Variants in NSMCE2 observed in about 807,000 individuals in gnomAD.
NSMCE2 encodes NSE2 SUMO ligase component of SMC5/6 complex.
In NSMCE2, 24 loss-of-function variants were observed where a neutral mutation model predicts 23.8. That is an observed-to-expected ratio of 1.01 (90% confidence interval 0.73 to 1.42). The LOEUF is 1.42. Ranked by LOEUF, NSMCE2 falls within the 40% of genes most tolerant of loss-of-function variation. NSMCE2 has a pLI of 0.00. For synonymous variants in NSMCE2, 92 were observed against 94.1 expected (o/e 0.98, Z 0.13); for missense variants, 284 against 296.5 (o/e 0.96, Z 0.31).
At chr8:125,212,830 C>G (rs1824403429) in intron 5 of NSMCE2, among the ~76,000 whole-genome samples, 1 of 152,172 alleles carries the variant, frequency 6.6e-6, no homozygotes, top group Admixed American at 6.5e-5. Flanking sequence ...AGCCCGGGTT[C>G]TAATCACCGA....
Position 125,355,937 on chromosome 8 carries a change from A to G in NSMCE2, c.419-1282A>G, listed in dbSNP as rs1166531575. Among the ~76,000 whole-genome samples the G allele has an allele frequency of 3.3e-5, 5 of 152,258 alleles. No homozygotes were observed. In the South Asian group the frequency reaches 8.3e-4, roughly 25 times the overall value. The stretch of plus-strand genomic sequence containing the variant: ...TCTGTTCAAAGCCAGTCCTGTCACT[A>G]TCACTCAGCAGTTCTCAAAGTGCAG... On this transcript the variant is annotated intron_variant, in intron 5 of 7. Coordinates refer to ENST00000287437, the MANE Select transcript of NSMCE2 (RefSeq NM_173685.4).
In NSMCE2 at chr8:125,157,968, G is replaced by A. The variant is rs145702350; in HGVS notation, c.264+6691G>A. On this transcript the variant is annotated intron_variant, in intron 4 of 7. Coordinates refer to ENST00000287437, the MANE Select transcript of NSMCE2 (RefSeq NM_173685.4). ...AAAGAATTTCCTTAAAGACTCCAAA[G>A]CCTTTAATGTGCTTTTATGCAATGT... Among the ~76,000 whole-genome samples, 4 of 152,294 alleles carry A rather than the reference G, an allele frequency of 2.6e-5. No homozygotes were observed. In the East Asian group the frequency reaches 5.8e-4, roughly 22 times the overall value.
Position 125,141,221 on chromosome 8 carries a change from C to G in NSMCE2, c.158-9950C>G, listed in dbSNP as rs546001254. Among the ~76,000 whole-genome samples, 4 of 152,270 alleles carry G rather than the reference C, an allele frequency of 2.6e-5. No individual in the cohort carries two copies. The East Asian group carries it at 7.7e-4, about 29-fold the overall frequency. ...TCTATATAATCAAAGATGTCGTGGTCTCCATCACTCTGAGGTAGAGCAATT... is the reference window on the plus strand; with the variant it reads ...TCTATATAATCAAAGATGTCGTGGTGTCCATCACTCTGAGGTAGAGCAATT... On this transcript the variant is annotated intron_variant, in intron 3 of 7. Transcript: ENST00000287437.
At chr8:125,343,078 A>G (rs560254188) in intron 5 of NSMCE2, among the ~76,000 whole-genome samples, 1 of 152,362 alleles carries the variant, frequency 6.6e-6, no homozygotes, top group African/African-American at 2.4e-5. Flanking sequence ...TGTAAAAAGG[A>G]AAAACAAGCA....
intron 5 of NSMCE2, among the ~76,000 whole-genome samples, chr8:125,261,672 G>A (rs926266824): frequency 1.3e-5 from 2 of 151,304 alleles, no homozygotes; most frequent in African/African-American, 2.4e-5. Flanking sequence ...ATAACCAAGG[G>A]ATTTAAAGAT....
At chr8:125,193,285 T>G (rs185094157) in intron 5 of NSMCE2, among the ~76,000 whole-genome samples, 108 of 152,250 alleles carry the variant, frequency 7.1e-4, no homozygotes, top group Non-Finnish European at 1.4e-3. Context: ...AGCTACAACA[T>G]AGGACAAAAT....
At chr8:125,184,452 A>T (rs1016686366) in intron 5 of NSMCE2, among the ~76,000 whole-genome samples, 1 of 152,148 alleles carries the variant, frequency 6.6e-6, no homozygotes, top group Non-Finnish European at 1.5e-5. Context: ...GTATATTTAT[A>T]TTGAAAGAAA....
intron 5 of NSMCE2, among the ~76,000 whole-genome samples, chr8:125,193,741 G>A (rs1261302967): frequency 2.6e-5 from 4 of 152,154 alleles, no homozygotes; most frequent in African/African-American, 9.7e-5. Context: ...GATTTCAGAA[G>A]AATTGAAAGA....
intron 5 of NSMCE2, among the ~76,000 whole-genome samples, chr8:125,276,732 C>A (rs575067212): frequency 6.6e-6 from 1 of 152,170 alleles, no homozygotes; most frequent in Non-Finnish European, 1.5e-5. Flanking sequence ...TTTGTTTCAT[C>A]CTAATAACCC....
At chr8:125,146,229 G>T (rs1820667751) in intron 3 of NSMCE2, among the ~76,000 whole-genome samples, 1 of 152,120 alleles carries the variant, frequency 6.6e-6, no homozygotes, top group African/African-American at 2.4e-5. Flanking sequence ...GGAGTCGGAG[G>T]TGCTTGTCCT....
At chr8:125,158,418 G>A (rs1218868032) in intron 4 of NSMCE2, among the ~76,000 whole-genome samples, 1 of 152,166 alleles carries the variant, frequency 6.6e-6, no homozygotes, top group Non-Finnish European at 1.5e-5. Context: ...AGGAAAAGAA[G>A]AGAGGGGCTT....
intron 3 of NSMCE2, among the ~76,000 whole-genome samples, chr8:125,121,166 T>C (rs537280050): frequency 9.1e-4 from 138 of 152,292 alleles, no homozygotes; most frequent in African/African-American, 3.3e-3. Context: ...AAAAGCTATA[T>C]ATACATGGTG....
At chr8:125,289,795 A>C (rs1828038214) in intron 5 of NSMCE2, among the ~76,000 whole-genome samples, 2 of 152,238 alleles carry the variant, frequency 1.3e-5, no homozygotes, top group Admixed American at 6.5e-5. Flanking sequence ...AGGTGCATTC[A>C]AATTCTGGTG....
intron 5 of NSMCE2, among the ~76,000 whole-genome samples, chr8:125,221,053 A>G (rs1290975748): frequency 1.3e-5 from 2 of 152,208 alleles, no homozygotes; most frequent in African/African-American, 4.8e-5. Flanking sequence ...CTGCAGTAGC[A>G]TTCCCCATAT....
chr8:125,092,699 A>G (rs1817725829), intron 1 of NSMCE2, among the ~76,000 whole-genome samples: 1 of 152,246 alleles, frequency 6.6e-6, no homozygotes, highest in Admixed American at 6.5e-5. Flanking sequence ...GGAAGTCAAC[A>G]TATTGTCTAT....
At chr8:125,312,179 A>C (rs1483733720) in intron 5 of NSMCE2, among the ~76,000 whole-genome samples, 4 of 152,162 alleles carry the variant, frequency 2.6e-5, no homozygotes, top group Non-Finnish European at 5.9e-5. Context: ...GACATTTAAT[A>C]AACTTTGATG....
intron 5 of NSMCE2, among the ~76,000 whole-genome samples, chr8:125,245,558 G>A (rs1418860896): frequency 1.3e-5 from 2 of 151,804 alleles, no homozygotes; most frequent in East Asian, 1.9e-4. Flanking sequence ...TATTAAGCTC[G>A]ATAGCATAAA....
intron 5 of NSMCE2, among the ~76,000 whole-genome samples, chr8:125,355,705 A>G (rs1813237842): frequency 6.6e-6 from 1 of 151,504 alleles, no homozygotes; most frequent in Non-Finnish European, 1.5e-5. Flanking sequence ...ATCTCAAAAA[A>G]AAAAAAAAAA....
intron 5 of NSMCE2, among the ~76,000 whole-genome samples, chr8:125,256,721 C>G (rs574808685): frequency 1.3e-5 from 2 of 151,496 alleles, no homozygotes; most frequent in African/African-American, 4.8e-5. Flanking sequence ...GTCAGGAGAT[C>G]GGGACCATCC....
Sources: gnomAD v4.1 joint callset for allele counts (sites outside exome capture counted in the v4.1 genomes callset) on GRCh38, gnomAD v4.1.1 for gene constraint, MANE v1.5 for transcripts, NCBI Gene and HGNC (gene_info 2026-07-23, HGNC 2026-07-21) for gene names.